Variants in CTNNA1 observed in about 807,000 individuals in gnomAD.
CTNNA1 encodes the protein catenin alpha-1.
Under a neutral mutation model 98.4 loss-of-function variants are expected in CTNNA1, and 37 were observed. The observed-to-expected ratio is 0.38, with a 90% CI of 0.29 to 0.49. The LOEUF (loss-of-function observed/expected upper bound fraction) is 0.49, where lower values mean the gene tolerates loss of function less well. Ranked by LOEUF, CTNNA1 falls within the 20% of genes least tolerant of loss-of-function variation. The probability of loss-of-function intolerance (pLI) is 0.95; values close to 1 mark genes in which losing one functional copy is unlikely to be tolerated. For missense variants in CTNNA1, 761 were observed against 1,147.2 expected (o/e 0.66, Z 4.86); for synonymous variants, 404 against 413.2 (o/e 0.98, Z 0.27).
intron 3 of CTNNA1, among the ~76,000 whole-genome samples, chr5:138,808,374 A>G (rs1758322319): frequency 6.6e-6 from 1 of 152,214 alleles, no homozygotes; most frequent in African/African-American, 2.4e-5. Context: ...TTAAAATACC[A>G]GAAGATACTA....
intron 3 of CTNNA1, among the ~76,000 whole-genome samples, chr5:138,798,925 A>C (rs1161914799): frequency 6.6e-6 from 1 of 152,138 alleles, no homozygotes; most frequent in Non-Finnish European, 1.5e-5. Flanking sequence ...TTTTGTGTGC[A>C]GAGAGCACTT....
intron 7 of CTNNA1, among the ~76,000 whole-genome samples, chr5:138,855,465 G>C (rs1037468789): frequency 2.6e-5 from 4 of 152,256 alleles, no homozygotes; most frequent in South Asian, 2.1e-4. Context: ...CTTTCAGTGA[G>C]AGAAAATTCA....
At chr5:138,789,098 A>G (rs1756048160) in intron 3 of CTNNA1, among the ~76,000 whole-genome samples, 1 of 152,206 alleles carries the variant, frequency 6.6e-6, no homozygotes, top group Non-Finnish European at 1.5e-5. Context: ...GTGTCAGGGA[A>G]ATATGAGTGA....
chr5:138,877,416 C>G lies in CTNNA1; in HGVS notation c.1063-8796C>G, dbSNP rs869312584. 6.6e-5 allele frequency among the ~76,000 whole-genome samples: 10 copies of G among 151,766 alleles called. No individual in the cohort carries two copies. Among genetic ancestry groups the G allele is most frequent in the Non-Finnish European group, 1.2e-4 (8 of 67,942 alleles). On this transcript the variant is annotated intron_variant, in intron 7 of 17. Transcript: ENST00000302763. The stretch of plus-strand genomic sequence containing the variant: ...CCCCAAAAGTTCTAAGGACAGTAGT[C>G]TCATAGGAGTGGTCTCTTAAATTTC...
intron 3 of CTNNA1, among the ~76,000 whole-genome samples, chr5:138,792,939 C>T (rs1756535288): frequency 6.6e-6 from 1 of 152,086 alleles, no homozygotes; most frequent in Non-Finnish European, 1.5e-5. Context: ...CATTTGTTAT[C>T]TTACCTTTTC....
At position 138,781,786 on chromosome 5, in the gene CTNNA1, G is replaced by A. The variant is rs529408861; in HGVS notation, c.-2-137G>A. 3.5e-5 allele frequency: 24 copies of A among 677,704 alleles called. No homozygotes were observed. The East Asian group carries it at 5.1e-4, about 14-fold the overall frequency. The allele number at this position is 677,704 out of a possible 1,614,324, so 42.0% of individuals were successfully genotyped here. On this transcript the variant is annotated intron_variant, in intron 1 of 17. Coordinates refer to ENST00000302763, the MANE Select transcript of CTNNA1 (RefSeq NM_001903.5). The stretch of plus-strand genomic sequence containing the variant: ...TGTAAGGTTTACTGGGTCTTCATGT[G>A]TAGGCTAGTTAGAATTTTTTCATCT...
chr5:138,870,358 G>GA (rs1332986036), intron 7 of CTNNA1: 1 of 152,226 alleles, frequency 6.6e-6, no homozygotes, highest in African/African-American at 2.4e-5. Flanking sequence ...TTTTAAATGA[G>GA]AAAGGAAAAT....
chr5:138,859,386 G>T (rs1188570255), intron 7 of CTNNA1, among the ~76,000 whole-genome samples: 1 of 152,168 alleles, frequency 6.6e-6, no homozygotes, highest in East Asian at 1.9e-4. Flanking sequence ...CATTCCCTTG[G>T]TGATCTCATC....
At chr5:138,814,243 CAG>C (rs1435542068) in intron 5 of CTNNA1, among the ~76,000 whole-genome samples, 4 of 148,186 alleles carry the variant, frequency 2.7e-5, no homozygotes, top group African/African-American at 1.0e-4. Context: ...AGTGTAGGCT[CAG>C]TGTGCTTTTT....
At position 138,925,242 on chromosome 5, in the gene CTNNA1, C is replaced by G. The variant is rs771321789; in HGVS notation, c.1748-14C>G. 4.3e-6 allele frequency: 7 copies of G among 1,612,528 alleles called. No individual in the cohort carries two copies. The highest frequency in any genetic ancestry group is 1.1e-5 in the South Asian group (1 of 90,884). On this transcript the variant is annotated splice_polypyrimidine_tract_variant and intron_variant, in intron 12 of 17. Transcript: ENST00000302763. ...CTGCTGACCAGGGTATCTACTGTGC[C>G]TCTTTCTCCACAGTCATGCCACGTT...
At chr5:138,863,530 G>C (rs1764475377) in intron 7 of CTNNA1, among the ~76,000 whole-genome samples, 1 of 152,192 alleles carries the variant, frequency 6.6e-6, no homozygotes, top group African/African-American at 2.4e-5. Context: ...CCAGGTGTGA[G>C]CCACTGCACC....
intron 1 of CTNNA1, among the ~76,000 whole-genome samples, chr5:138,777,164 C>G (rs1211329677): frequency 4.2e-4 from 64 of 152,232 alleles, no homozygotes; most frequent in African/African-American, 1.5e-3. Context: ...CAGAGACGCT[C>G]CTCACCTCCC....
At chr5:138,925,879 G>T (rs966859364) in intron 13 of CTNNA1, among the ~76,000 whole-genome samples, 2 of 152,194 alleles carry the variant, frequency 1.3e-5, no homozygotes, top group African/African-American at 4.8e-5. Context: ...ATGGCCAAGT[G>T]CCGAGCCCCT....
chr5:138,932,862 G>T (rs758074528), intron 17 of CTNNA1, 150 bp downstream of exon 17: 2 of 987,282 alleles, frequency 2.0e-6, no homozygotes, highest in South Asian at 1.3e-5. Flanking sequence ...GGAGACCAAG[G>T]TCTGTCCATC....
Position 138,929,259 on chromosome 5 carries a change from T to TG in CTNNA1, c.1915dup (p.Asp639GlyfsTer2). ...TCTGGGTGGCAGACCCCTGAGGAGTTGGATGACTCTGACTTTGAGACAGAA... is the reference window on the plus strand; with the variant it reads ...TCTGGGTGGCAGACCCCTGAGGAGTTGGGATGACTCTGACTTTGAGACAGAA... On this transcript the variant is annotated frameshift_variant, in exon 14 of 18. Coordinates refer to ENST00000302763, the MANE Select transcript of CTNNA1 (RefSeq NM_001903.5). LOFTEE classifies it high-confidence loss of function. 1 of 1,596,828 alleles carries TG rather than the reference T, an allele frequency of 6.3e-7. No homozygotes were observed. Among genetic ancestry groups the TG allele is most frequent in the East Asian group, 2.2e-5 (1 of 44,778 alleles).
At chr5:138,763,577 C>G (rs1462257078) in intron 1 of CTNNA1, among the ~76,000 whole-genome samples, 1 of 152,184 alleles carries the variant, frequency 6.6e-6, no homozygotes, top group Non-Finnish European at 1.5e-5. Flanking sequence ...CTCCTGAACT[C>G]AAGCGATCTG....
rs896655612 is a variant in CTNNA1, at chr5:138,794,560, G to C, written c.301+11188G>C. ...GGATCATCCTCATGTCATAGGGCACGTGGGTTATGCCAAATATATACTACC... is the reference window on the plus strand; with the variant it reads ...GGATCATCCTCATGTCATAGGGCACCTGGGTTATGCCAAATATATACTACC... On this transcript the variant is annotated intron_variant, in intron 3 of 17. Transcript: ENST00000302763. 5.9e-5 allele frequency among the ~76,000 whole-genome samples: 9 copies of C among 152,320 alleles called. No individual in the cohort carries two copies. The East Asian group carries it at 7.7e-4, about 13-fold the overall frequency.
At chr5:138,854,814 A>C (rs1358263339) in intron 7 of CTNNA1, among the ~76,000 whole-genome samples, 1 of 152,214 alleles carries the variant, frequency 6.6e-6, no homozygotes, top group Non-Finnish European at 1.5e-5. Context: ...CTGTGGATGC[A>C]CATCCAGTGT....
At chr5:138,847,502 A>G (rs1762830707) in intron 7 of CTNNA1, among the ~76,000 whole-genome samples, 2 of 152,220 alleles carry the variant, frequency 1.3e-5, no homozygotes, top group Admixed American at 1.3e-4. Flanking sequence ...AAGAATTCAA[A>G]TATAATGTCC....
Sources: gnomAD v4.1 joint callset for allele counts (sites outside exome capture counted in the v4.1 genomes callset) on GRCh38, gnomAD v4.1.1 for gene constraint, MANE v1.5 for transcripts, NCBI Gene and HGNC (gene_info 2026-07-23, HGNC 2026-07-21) for gene names.